The following RNF212B variants were observed in gnomAD, a reference collection of about 807,000 sequenced individuals.
RNF212B encodes E3 ubiquitin-protein ligase RNF212B.
RNF212B carries 52 observed loss-of-function variants against 55.5 expected under a neutral mutation model. The ratio of observed to expected loss-of-function variants is 0.94; its 90% CI spans 0.75 to 1.18. RNF212B has a LOEUF of 1.18. Among genes scored for constraint, RNF212B ranks in the 50% most tolerant of loss-of-function variants. RNF212B has a pLI of 0.00. For synonymous variants in RNF212B, 99 were observed against 121.4 expected, an observed-to-expected ratio of 0.82 and a Z score of 1.21; for missense variants, 289 against 350.4, an observed-to-expected ratio of 0.82 and a Z score of 1.40.
At chr14:23,209,882 G>T (rs544853324) in intron 2 of RNF212B, among the ~76,000 whole-genome samples, 19 of 152,310 alleles carry the variant, frequency 1.2e-4, no homozygotes, top group African/African-American at 3.8e-4. Flanking sequence ...GCCCAGTGAG[G>T]TGACTCAAAC....
Position 23,258,570 on chromosome 14 carries a change from C to G in RNF212B, c.250C>G (p.Gln84Glu), listed in dbSNP as rs762279875. 1 of 1,534,812 alleles carries G rather than the reference C, an allele frequency of 6.5e-7. No homozygotes were observed. The highest frequency in any genetic ancestry group is 1.2e-5 in the South Asian group (1 of 81,812). Residue 84 changes from glutamine to glutamate, a missense_variant, in exon 5 of 15, where the codon CAA (glutamine) becomes GAA (glutamate). Coordinates refer to ENST00000430154, the MANE Select transcript of RNF212B (RefSeq NM_001282322.3). ...ISQVWSFQKK[Q>E]TDLLIAFYKH... ...GTAGGTGTGGAGTTTCCAGAAGAAA[C>G]AAACAGATCTCCTCATCGCCTTTTA...
chr14:23,202,122 G>A (rs1331167025), intron 2 of RNF212B, among the ~76,000 whole-genome samples: 1 of 151,940 alleles, frequency 6.6e-6, no homozygotes, highest in Non-Finnish European at 1.5e-5. Context: ...GTGGTGGTGT[G>A]CACTTGTAAT....
chr14:23,273,103 G>T lies in RNF212B; in HGVS notation c.*212G>T. The T allele has an allele frequency of 2.6e-6, 1 of 391,596 alleles. No homozygotes were observed. The highest frequency in any genetic ancestry group is 4.6e-6 in the Non-Finnish European group (1 of 219,384). 24.3% of individuals were successfully genotyped at this position (391,596 alleles called of 1,614,324 possible). A position where few individuals can be genotyped will look rare whatever the true frequency, so the allele number is the denominator to read the frequency against. Reference sequence around the variant, plus strand: ...CAAAAGGCTAGTGCTTCAGGAAGATGTTTATATCTCTTCCAGAAGACACTG... The same window carrying T: ...CAAAAGGCTAGTGCTTCAGGAAGATTTTTATATCTCTTCCAGAAGACACTG... On this transcript the variant is annotated 3_prime_UTR_variant, in exon 15 of 15. Transcript: ENST00000430154.
At chr14:23,262,061 A>G (rs193276887) in intron 7 of RNF212B, among the ~76,000 whole-genome samples, 1 of 152,284 alleles carries the variant, frequency 6.6e-6, no homozygotes, top group Non-Finnish European at 1.5e-5. Flanking sequence ...TGCATTATGG[A>G]TTAAAGAGAC....
At chr14:23,193,703 A>G (rs1419733651) in intron 2 of RNF212B, among the ~76,000 whole-genome samples, 2 of 152,112 alleles carry the variant, frequency 1.3e-5, no homozygotes, top group Non-Finnish European at 1.5e-5. Flanking sequence ...GCTCAGCAAT[A>G]AAGAATATGT....
At chr14:23,231,716 T>A (rs909358992) in intron 2 of RNF212B, among the ~76,000 whole-genome samples, 2 of 150,788 alleles carry the variant, frequency 1.3e-5, no homozygotes, top group African/African-American at 4.8e-5. Flanking sequence ...ACTGCTGCCA[T>A]CTCGGCTCAC....
chr14:23,227,582 A>G (rs935125687), intron 2 of RNF212B, among the ~76,000 whole-genome samples: 1 of 150,980 alleles, frequency 6.6e-6, no homozygotes, highest in Admixed American at 6.6e-5. Flanking sequence ...CATTGAATAT[A>G]CATTAAATCG....
chr14:23,211,620 A>T (rs1880527710), intron 2 of RNF212B, among the ~76,000 whole-genome samples: 1 of 152,246 alleles, frequency 6.6e-6, no homozygotes, highest in Non-Finnish European at 1.5e-5. Context: ...ACAATGCATA[A>T]AAAGGATAAT....
chr14:23,187,326 C>G (rs1293228491), intron 1 of RNF212B, among the ~76,000 whole-genome samples: 1 of 152,068 alleles, frequency 6.6e-6, no homozygotes, highest in Admixed American at 6.6e-5. Context: ...ACAACCCCCA[C>G]GCAGTCATGT....
chr14:23,243,563 G>A (rs889105998), intron 3 of RNF212B, among the ~76,000 whole-genome samples: 1 of 151,628 alleles, frequency 6.6e-6, no homozygotes, highest in African/African-American at 2.4e-5. Context: ...AGGCGTGGTG[G>A]TGCGGGCCTG....
At chr14:23,229,347 T>C (rs112561149) in intron 2 of RNF212B, among the ~76,000 whole-genome samples, 7 of 150,106 alleles carry the variant, frequency 4.7e-5, no homozygotes, top group African/African-American at 1.7e-4. Flanking sequence ...GGTAGGAATA[T>C]TGGTGTACAC....
At chr14:23,212,011 A>T (rs1339716021) in intron 2 of RNF212B, among the ~76,000 whole-genome samples, 3 of 152,218 alleles carry the variant, frequency 2.0e-5, no homozygotes. Context: ...TACAGGCATG[A>T]GCCACCGTGC....
intron 4 of RNF212B, among the ~76,000 whole-genome samples, chr14:23,254,287 A>AAAC (rs553857531): frequency 2.4e-5 from 2 of 82,246 alleles, no homozygotes; most frequent in African/African-American, 1.2e-4. Flanking sequence ...TCTTTATCTC[A>AAAC]AAAACAAAAC....
At chr14:23,222,697 A>G (rs1830520272) in intron 2 of RNF212B, among the ~76,000 whole-genome samples, 1 of 152,192 alleles carries the variant, frequency 6.6e-6, no homozygotes, top group African/African-American at 2.4e-5. Flanking sequence ...AACTATGGCC[A>G]ATATCTCTGA....
At chr14:23,228,462 CAAAAAAA>C (rs776673043) in intron 2 of RNF212B, among the ~76,000 whole-genome samples, 54 of 76,100 alleles carry the variant, frequency 7.1e-4, no homozygotes, top group African/African-American at 1.6e-3. Flanking sequence ...CTATCTCTAC[CAAAAAAA>C]AAAAAAAAAA....
At chr14:23,231,100 G>GT (rs1455339332) in intron 2 of RNF212B, among the ~76,000 whole-genome samples, 1 of 151,924 alleles carries the variant, frequency 6.6e-6, no homozygotes, top group Admixed American at 6.6e-5. Context: ...ACTATTCTAA[G>GT]TTTTTTGAAA....
chr14:23,255,544 T>G (rs1481236341), intron 4 of RNF212B, among the ~76,000 whole-genome samples: 1 of 152,172 alleles, frequency 6.6e-6, no homozygotes, highest in Non-Finnish European at 1.5e-5. Flanking sequence ...TTATCATCAA[T>G]AGAACTACTT....
At chr14:23,191,539 A>C (rs543035004) in intron 1 of RNF212B, among the ~76,000 whole-genome samples, 122 of 152,136 alleles carry the variant, frequency 8.0e-4, no homozygotes, top group Non-Finnish European at 1.5e-3. Flanking sequence ...ATGATATTAC[A>C]GTTATTGTTA....
upstream of RNF212B, among the ~76,000 whole-genome samples, chr14:23,235,791 T>G (rs1883052560): frequency 6.6e-6 from 1 of 152,220 alleles, no homozygotes; most frequent in African/African-American, 2.4e-5. Context: ...AATGACCAGT[T>G]TGGTCTAAAT....
Sources: allele counts gnomAD v4.1 joint callset (sites outside exome capture counted in the v4.1 genomes callset), GRCh38; gene constraint gnomAD v4.1.1; transcripts MANE v1.5; gene names NCBI Gene and HGNC (gene_info 2026-07-23, HGNC 2026-07-21).